Variants in PSMD1 observed in about 807,000 individuals in gnomAD.
PSMD1 encodes the protein 26S proteasome non-ATPase regulatory subunit 1.
In PSMD1, 18 loss-of-function variants were observed where a neutral mutation model predicts 119.0. That is an observed-to-expected ratio of 0.15 (90% CI 0.10 to 0.22). PSMD1 has a LOEUF of 0.22. Among genes scored for constraint, PSMD1 ranks in the 10% least tolerant of loss-of-function variants. The pLI is 1.00. For missense variants in PSMD1, 702 were observed against 1,158.5 expected, an observed-to-expected ratio of 0.61 and a Z score of 5.72; for synonymous variants, 374 against 396.6, an observed-to-expected ratio of 0.94 and a Z score of 0.68.
At chr2:231,153,531 C>G (rs765982776) in intron 18 of PSMD1, 33 bp from the exon 19 acceptor site, 1 of 1,437,396 alleles carries the variant, frequency 7.0e-7, no homozygotes, top group Non-Finnish European at 9.8e-7. Context: ...AATGAGTAGA[C>G]TTAGACTATA....
intron 1 of PSMD1, among the ~76,000 whole-genome samples, chr2:231,060,994 C>T (rs1693742254): frequency 6.6e-6 from 1 of 152,134 alleles, no homozygotes; most frequent in South Asian, 2.1e-4. Flanking sequence ...CTAACAGGTT[C>T]CCAGGCAATG....
chr2:231,136,926 T>TCA (rs1695978575), intron 16 of PSMD1, among the ~76,000 whole-genome samples: 1 of 146,058 alleles, frequency 6.8e-6, no homozygotes, highest in African/African-American at 2.5e-5. Flanking sequence ...TTTGCCACTT[T>TCA]TATATATATA....
chr2:231,078,842 C>A, intron 10 of PSMD1, 95 bp downstream of exon 10: 1 of 863,404 alleles, frequency 1.2e-6, no homozygotes, highest in Non-Finnish European at 1.7e-6. Flanking sequence ...TGGCCCAGGC[C>A]GGAGGGCAGT....
In PSMD1 at chr2:231,156,588, T is replaced by C. The variant is rs577300445; in HGVS notation, c.2218+2922T>C. 4.3e-4 allele frequency among the ~76,000 whole-genome samples: 66 copies of C among 152,306 alleles called. 1 individual carries two copies. The highest frequency in any genetic ancestry group is 1.5e-3 in the African/African-American group (64 of 41,592). On this transcript the variant is annotated intron_variant, in intron 19 of 24. Transcript: ENST00000308696. ...TTTAATAGATAAAGTTTTGAATTTA[T>C]TGAAAGTTTTTTTATAATATCCTCT...
intron 23 of PSMD1, among the ~76,000 whole-genome samples, chr2:231,167,025 T>C (rs1472054631): frequency 6.6e-6 from 1 of 152,256 alleles, no homozygotes; most frequent in East Asian, 1.9e-4. Context: ...AAAATTGATA[T>C]GGTAATGCTA....
chr2:231,087,017 T>C, intron 15 of PSMD1, 100 bp from the exon 16 acceptor site: 1 of 836,612 alleles, frequency 1.2e-6, no homozygotes, highest in Non-Finnish European at 2.0e-6. Flanking sequence ...CTATCAGTAG[T>C]GAGGTATACA....
intron 24 of PSMD1, among the ~76,000 whole-genome samples, chr2:231,171,364 A>G (rs1696905969): frequency 6.6e-6 from 1 of 152,138 alleles, no homozygotes; most frequent in Non-Finnish European, 1.5e-5. Flanking sequence ...ATCATTTACT[A>G]TATCAGTGTC....
At chr2:231,083,504 T>C (rs138279514) in intron 13 of PSMD1, 63 bp from the exon 14 acceptor site, 12 of 1,541,620 alleles carry the variant, frequency 7.8e-6, no homozygotes, top group African/African-American at 2.7e-5. Flanking sequence ...CTACTTTCAG[T>C]TGGATGTTTT....
rs1695109913 is a variant in PSMD1 at position 231,110,228 on chromosome 2, G to C, written c.1883+23047G>C. ...CCAGCTACTCAGGAGGCTAAGGTGG[G>C]AGAATCACTTGAACCCAGGAGGCCG... On this transcript the variant is annotated intron_variant, in intron 16 of 24. Transcript: ENST00000308696. Among the ~76,000 whole-genome samples, 7 of 152,200 alleles carry C rather than the reference G, an allele frequency of 4.6e-5. No homozygotes were observed. The South Asian group carries it at 1.5e-3, about 32-fold the overall frequency.
In PSMD1 at chr2:231,072,256, A is replaced by G. The variant is rs752928792; in HGVS notation, c.722A>G (p.Asn241Ser). 11 of 1,613,582 alleles carry G rather than the reference A, an allele frequency of 6.8e-6. No homozygotes were observed. The highest frequency in any genetic ancestry group is 3.3e-5 in the South Asian group (3 of 91,044). Residue 241 changes from asparagine to serine, a missense_variant, in exon 7 of 25, where the codon AAC becomes AGC. Coordinates refer to ENST00000308696, the MANE Select transcript of PSMD1 (RefSeq NM_002807.4). ...TTAGAGAAACTGGTAAAGGAAGACA[A>G]CCTCCTGATGGCATATCAGATTTGT... The part of the protein sequence containing the change: ...DILEKLVKED[N>S]LLMAYQICFD...
intron 16 of PSMD1, chr2:231,124,086 G>A (rs542100690): frequency 5.9e-5 from 17 of 287,160 alleles, no homozygotes; most frequent in African/African-American, 1.1e-4. Flanking sequence ...TTTTTCTGCC[G>A]TAGTTGTAGA....
chr2:231,075,498 C>CT lies in PSMD1; in HGVS notation c.882-9dup. ...TTCTCTTCAGAAAAAATTATTGGTT[C>CT]TTTTCATTTCAGTGACTCGATGGAA... On this transcript the variant is annotated splice_polypyrimidine_tract_variant and intron_variant, in intron 7 of 24. Coordinates refer to ENST00000308696, the MANE Select transcript of PSMD1 (RefSeq NM_002807.4). 6.2e-7 allele frequency: 1 copy of CT among 1,611,274 alleles called. No homozygotes were observed. Among genetic ancestry groups the CT allele is most frequent in the Non-Finnish European group, 8.5e-7 (1 of 1,178,684 alleles).
intron 16 of PSMD1, among the ~76,000 whole-genome samples, chr2:231,105,684 T>G (rs576614354): frequency 6.6e-6 from 1 of 152,292 alleles, no homozygotes; most frequent in South Asian, 2.1e-4. Context: ...GAACAACAGA[T>G]TCTTTGTGCA....
At chr2:231,102,084 G>T (rs1338018065) in intron 16 of PSMD1, among the ~76,000 whole-genome samples, 3 of 152,144 alleles carry the variant, frequency 2.0e-5, no homozygotes, top group Non-Finnish European at 4.4e-5. Context: ...CTCCCAAAGT[G>T]CTGGGATTAC....
At chr2:231,072,139 G>A (rs1694057196) in intron 6 of PSMD1, 50 bp from the exon 7 acceptor site, 2 of 1,469,870 alleles carry the variant, frequency 1.4e-6, no homozygotes. Flanking sequence ...TAAGTACCTT[G>A]TAGATGAAGT....
chr2:231,064,315 A>G (rs919025868), intron 4 of PSMD1, among the ~76,000 whole-genome samples: 6 of 152,170 alleles, frequency 3.9e-5, no homozygotes, highest in African/African-American at 1.4e-4. Flanking sequence ...ACCTCCAGAA[A>G]ATCCAGGACT....
At chr2:231,128,290 G>A (rs1351191147) in intron 16 of PSMD1, among the ~76,000 whole-genome samples, 1 of 152,208 alleles carries the variant, frequency 6.6e-6, no homozygotes, top group Non-Finnish European at 1.5e-5. Flanking sequence ...TATGGAGGAT[G>A]CAAACAAGTA....
At chr2:231,065,324 G>A (rs1351296288) in intron 4 of PSMD1, among the ~76,000 whole-genome samples, 7 of 149,786 alleles carry the variant, frequency 4.7e-5, no homozygotes, top group Admixed American at 2.7e-4. Context: ...AGACAGTCTC[G>A]CTCTGTCTCC....
chr2:231,102,868 T>C (rs1355081428), intron 16 of PSMD1, among the ~76,000 whole-genome samples: 1 of 152,118 alleles, frequency 6.6e-6, no homozygotes, highest in Non-Finnish European at 1.5e-5. Flanking sequence ...TTATTTGTTA[T>C]ATTTGTTATA....
Sources: gnomAD v4.1 joint callset for allele counts (sites outside exome capture counted in the v4.1 genomes callset) on GRCh38, gnomAD v4.1.1 for gene constraint, MANE v1.5 for transcripts, NCBI Gene and HGNC (gene_info 2026-07-23, HGNC 2026-07-21) for gene names.